BCAS3: variants seen among roughly 807,000 people sequenced by gnomAD.
BCAS3 encodes BCAS4/BCAS3 fusion.
In BCAS3, 53 loss-of-function variants were observed where a neutral mutation model predicts 116.1. The observed-to-expected ratio is 0.46, with a 90% CI of 0.37 to 0.57. The LOEUF is 0.57. BCAS3 is among the 20% of genes least tolerant of loss of function. The pLI is 0.00. For synonymous variants in BCAS3, 391 were observed against 408.2 expected, an observed-to-expected ratio of 0.96 and a Z score of 0.51; for missense variants, 917 against 1,165.4, an observed-to-expected ratio of 0.79 and a Z score of 3.10.
chr17:61,150,199 T>C (rs970578743), intron 22 of BCAS3, among the ~76,000 whole-genome samples: 2 of 152,300 alleles, frequency 1.3e-5, no homozygotes, highest in East Asian at 3.9e-4. Flanking sequence ...TCAGGAAGAT[T>C]GCTTACTGTG....
In BCAS3 at chr17:61,098,627, G is replaced by A. The variant is rs948680421; in HGVS notation, c.2425+14063G>A. Among the ~76,000 whole-genome samples, 6 of 152,136 alleles carry A rather than the reference G, an allele frequency of 3.9e-5. No homozygotes were observed. Among genetic ancestry groups the A allele is most frequent in the African/African-American group, 1.2e-4 (5 of 41,416 alleles). ...AGTGGTATGCTGCAAAAAGGAATTC[G>A]GTTAGCAGATTTTATGGCATCCATG... is the stretch of plus-strand genomic sequence containing the variant. On this transcript the variant is annotated intron_variant, in intron 22 of 23. Transcript: ENST00000407086. The surrounding 1 kb of genome is among the most constrained non-coding windows in gnomAD (Gnocchi z 4.2).
rs2051348317 is a variant in BCAS3 at position 61,282,708 on chromosome 17, T to C, written c.2426-85619T>C. ...ACACAGAGGATTATGAATCAGACCCTTCCAGAAGTCTCTATACCTCACTTT... is the reference window on the plus strand; with the variant it reads ...ACACAGAGGATTATGAATCAGACCCCTCCAGAAGTCTCTATACCTCACTTT... On this transcript the variant is annotated intron_variant, in intron 22 of 23. Coordinates refer to ENST00000407086, the MANE Select transcript of BCAS3 (RefSeq NM_017679.5). The surrounding 1 kb of genome is among the most constrained non-coding windows in gnomAD (Gnocchi z 5.9). Among the ~76,000 whole-genome samples, 1 of 152,200 alleles carries C rather than the reference T, an allele frequency of 6.6e-6. No individual in the cohort carries two copies. Among genetic ancestry groups the C allele is most frequent in the Admixed American group, 6.5e-5 (1 of 15,272 alleles).
Position 61,309,349 on chromosome 17 carries a change from CG to C in BCAS3, c.2426-58976del, listed in dbSNP as rs1173631376. 2.0e-5 allele frequency among the ~76,000 whole-genome samples: 3 copies of C among 151,996 alleles called. No homozygotes were observed. Among genetic ancestry groups the C allele is most frequent in the African/African-American group, 7.2e-5 (3 of 41,380 alleles). ...TGGAGAGGCGGTGTCCATTTTTTGA[CG>C]GAACTGGTATGGGCAGATGAGCATG... is the stretch of plus-strand genomic sequence containing the variant. On this transcript the variant is annotated intron_variant, in intron 22 of 23. Transcript: ENST00000407086. The surrounding 1 kb of genome is among the most constrained non-coding windows in gnomAD (Gnocchi z 4.6).
At chr17:60,977,749 G>A (rs373791069) in intron 14 of BCAS3, among the ~76,000 whole-genome samples, 13 of 150,492 alleles carry the variant, frequency 8.6e-5, no homozygotes, top group East Asian at 2.0e-4. Context: ...GAGAATATGC[G>A]TGTTTGGCTT....
At chr17:60,831,762 C>G in intron 7 of BCAS3, among the ~76,000 whole-genome samples, 1 of 150,618 alleles carries the variant, frequency 6.6e-6, no homozygotes, top group East Asian at 1.9e-4. Flanking sequence ...AAATGACAAG[C>G]CCTCAAATAT....
At chr17:61,299,800 C>A (rs1262155673) in intron 22 of BCAS3, among the ~76,000 whole-genome samples, 1 of 152,194 alleles carries the variant, frequency 6.6e-6, no homozygotes, top group African/African-American at 2.4e-5. Flanking sequence ...GGTCCTAGGA[C>A]AGGGAGTGCA....
intron 14 of BCAS3, among the ~76,000 whole-genome samples, chr17:60,979,273 T>G (rs1277369285): frequency 1.3e-5 from 2 of 148,966 alleles, no homozygotes; most frequent in Admixed American, 1.3e-4. Context: ...CAATTGTGAA[T>G]GGGAGTTCAC....
At chr17:61,223,279 C>T (rs1297207241) in intron 22 of BCAS3, among the ~76,000 whole-genome samples, 4 of 151,668 alleles carry the variant, frequency 2.6e-5, no homozygotes, top group African/African-American at 4.8e-5. Flanking sequence ...TGCCTCAGCC[C>T]CCCAATAGCT....
At chr17:60,888,477 C>T (rs974734413) in intron 9 of BCAS3, among the ~76,000 whole-genome samples, 4 of 151,906 alleles carry the variant, frequency 2.6e-5, no homozygotes, top group East Asian at 1.9e-4. Context: ...AAATTGTCAG[C>T]GGAATACATG....
At chr17:60,909,116 T>C (rs7217689) in intron 11 of BCAS3, among the ~76,000 whole-genome samples, 6,084 of 152,286 alleles carry the variant, frequency 0.04, 455 homozygotes, top group African/African-American at 0.14. Context: ...ACATAGTTTA[T>C]GTTAAGTGCC....
chr17:61,107,180 G>A (rs1272363213), intron 22 of BCAS3, among the ~76,000 whole-genome samples: 1 of 137,306 alleles, frequency 7.3e-6, no homozygotes, highest in African/African-American at 2.7e-5. Context: ...TCTGCCTCCC[G>A]GGTTCAAGTG....
intron 7 of BCAS3, among the ~76,000 whole-genome samples, chr17:60,820,021 G>T (rs868538907): frequency 2.0e-4 from 31 of 152,144 alleles, no homozygotes; most frequent in African/African-American, 7.5e-4. Flanking sequence ...GTGGCCTCTG[G>T]TGGATGGATT....
At chr17:61,096,704 A>G (rs963253450) in intron 22 of BCAS3, among the ~76,000 whole-genome samples, 1 of 152,212 alleles carries the variant, frequency 6.6e-6, no homozygotes, top group Admixed American at 6.5e-5. Flanking sequence ...TCTTTCTCCC[A>G]TATTACACTT....
Position 61,158,267 on chromosome 17 carries a change from GTAATGT to G in BCAS3, c.2425+73706_2425+73711del, listed in dbSNP as rs150523785. ...CTTTACATGACCCATCAAATGTCTT[GTAATGT>G]TAGTACTTGTGCCTTTATACCACAT... On this transcript the variant is annotated intron_variant, in intron 22 of 23. Coordinates refer to ENST00000407086, the MANE Select transcript of BCAS3 (RefSeq NM_017679.5). 7.0e-4 allele frequency among the ~76,000 whole-genome samples: 106 copies of G among 152,228 alleles called. 1 individual carries two copies. In the East Asian group the frequency reaches 0.02, roughly 29 times the overall value.
intron 22 of BCAS3, among the ~76,000 whole-genome samples, chr17:61,207,645 C>T (rs1177413760): frequency 2.0e-5 from 3 of 152,048 alleles, no homozygotes; most frequent in Non-Finnish European, 4.4e-5. Context: ...CATCTTTATA[C>T]ATATTTCCTT....
At chr17:61,318,567 C>T (rs1373667960) in intron 22 of BCAS3, among the ~76,000 whole-genome samples, 3 of 152,212 alleles carry the variant, frequency 2.0e-5, no homozygotes, top group African/African-American at 4.8e-5. Context: ...CGCTTAATCA[C>T]AGGTGGAACT....
chr17:61,163,638 A>T (rs1204926781), intron 22 of BCAS3, among the ~76,000 whole-genome samples: 3 of 152,054 alleles, frequency 2.0e-5, no homozygotes, highest in Non-Finnish European at 2.9e-5. Context: ...TATGGAATGT[A>T]GATTAAGAAG....
chr17:60,891,129 A>C (rs907147317), intron 10 of BCAS3, among the ~76,000 whole-genome samples: 2 of 152,210 alleles, frequency 1.3e-5, no homozygotes, highest in Non-Finnish European at 2.9e-5. Context: ...CAAGGCATAC[A>C]AGTAAGTGTA....
At chr17:61,268,307 C>T (rs952555892) in intron 22 of BCAS3, among the ~76,000 whole-genome samples, 3 of 152,034 alleles carry the variant, frequency 2.0e-5, no homozygotes, top group African/African-American at 7.2e-5. Context: ...AGTGTTTCTG[C>T]CTGTCTATCC....
Sources: allele counts gnomAD v4.1 joint callset (sites outside exome capture counted in the v4.1 genomes callset), GRCh38; gene constraint gnomAD v4.1.1; non-coding constraint Gnocchi (gnomAD v3.1); transcripts MANE v1.5; gene names NCBI Gene and HGNC (gene_info 2026-07-23, HGNC 2026-07-21).